PDE7B: variants seen among roughly 807,000 people sequenced by gnomAD.
PDE7B encodes the protein 3',5'-cyclic-AMP phosphodiesterase 7B.
A neutral mutation model predicts 56.2 loss-of-function variants in PDE7B; 29 were observed. That is an observed-to-expected ratio of 0.52 (90% CI 0.38 to 0.70). The LOEUF (loss-of-function observed/expected upper bound fraction) is 0.70, where lower values mean the gene tolerates loss of function less well. PDE7B is among the 30% of genes least tolerant of loss of function. The pLI, the probability that PDE7B is intolerant of heterozygous loss-of-function variation, is 0.00. For synonymous variants in PDE7B, 197 were observed against 196.9 expected (o/e 1.00, Z 0.00); for missense variants, 490 against 565.0 (o/e 0.87, Z 1.35).
chr6:136,124,255 A>G (rs1480758816), intron 3 of PDE7B, among the ~76,000 whole-genome samples: 1 of 152,170 alleles, frequency 6.6e-6, no homozygotes, highest in Non-Finnish European at 1.5e-5. Context: ...CTTAGGTGGA[A>G]GAATTTAAAA....
chr6:136,172,200 G>A (rs1381395008), intron 8 of PDE7B, among the ~76,000 whole-genome samples: 4 of 152,186 alleles, frequency 2.6e-5, no homozygotes, highest in Admixed American at 6.5e-5. Flanking sequence ...CTAGATCCTT[G>A]AGGAATCGCC....
chr6:135,928,544 T>TAC (rs1296766027), intron 1 of PDE7B, among the ~76,000 whole-genome samples: 8 of 138,146 alleles, frequency 5.8e-5, no homozygotes, highest in Admixed American at 3.3e-4. Flanking sequence ...CACACACACA[T>TAC]ACACACACAC....
intron 2 of PDE7B, among the ~76,000 whole-genome samples, chr6:136,102,830 ATTCACT>A (rs1777585736): frequency 6.6e-6 from 1 of 152,166 alleles, no homozygotes; most frequent in Admixed American, 6.6e-5. Flanking sequence ...CTATTTACAT[ATTCACT>A]TTTCAGCATT....
chr6:136,115,418 TAAG>T (rs1777814142), intron 3 of PDE7B, among the ~76,000 whole-genome samples: 1 of 152,012 alleles, frequency 6.6e-6, no homozygotes. Flanking sequence ...CTTTAAGACT[TAAG>T]AAACCAGGAA....
At position 136,191,495 on chromosome 6, in the gene PDE7B, C is replaced by T. The variant is rs1433433373; in HGVS notation, c.1127-119C>T. 4 of 814,620 alleles carry T rather than the reference C, an allele frequency of 4.9e-6. No homozygotes were observed. In the African/African-American group the frequency reaches 5.1e-5, roughly 10 times the overall value. The allele number at this position is 814,620 out of a possible 1,614,324, so 50.5% of individuals were successfully genotyped here. A position where few individuals can be genotyped will look rare whatever the true frequency, so the allele number is the denominator to read the frequency against. ...CAACCTGGCCAACATGGGGAAACCCCATCTCTACTAAAGATACAAAAATTA... is the reference window on the plus strand; with the variant it reads ...CAACCTGGCCAACATGGGGAAACCCTATCTCTACTAAAGATACAAAAATTA... On this transcript the variant is annotated intron_variant, in intron 12 of 12. Coordinates refer to ENST00000308191, the MANE Select transcript of PDE7B (RefSeq NM_018945.4).
chr6:135,990,717 T>A (rs969457946), intron 2 of PDE7B, among the ~76,000 whole-genome samples: 2 of 152,220 alleles, frequency 1.3e-5, no homozygotes, highest in African/African-American at 2.4e-5. Context: ...TCACCACAAA[T>A]AAGTGATAAG....
At chr6:135,898,402 G>A (rs955179510) in intron 1 of PDE7B, among the ~76,000 whole-genome samples, 19 of 151,926 alleles carry the variant, frequency 1.3e-4, no homozygotes, top group Non-Finnish European at 2.1e-4. Flanking sequence ...TGAAAATTTT[G>A]GAAAATAAAT....
At chr6:136,073,924 A>G (rs553744714) in intron 2 of PDE7B, among the ~76,000 whole-genome samples, 1 of 152,324 alleles carries the variant, frequency 6.6e-6, no homozygotes, top group East Asian at 1.9e-4. Flanking sequence ...CCATATCTGA[A>G]GCAAATAAAA....
intron 1 of PDE7B, among the ~76,000 whole-genome samples, chr6:135,879,967 ATATC>A (rs1486688324): frequency 2.0e-5 from 3 of 152,156 alleles, no homozygotes; most frequent in Non-Finnish European, 4.4e-5. Flanking sequence ...AAAACTATAA[ATATC>A]TACCCCCAAA....
chr6:136,113,773 G>C (rs1249081202), intron 3 of PDE7B, among the ~76,000 whole-genome samples: 1 of 152,228 alleles, frequency 6.6e-6, no homozygotes, highest in South Asian at 2.1e-4. Flanking sequence ...TGTGGACCCA[G>C]AGGGGAGAGT....
intron 2 of PDE7B, among the ~76,000 whole-genome samples, chr6:136,003,895 AC>A (rs1166391478): frequency 1.3e-5 from 2 of 152,160 alleles, no homozygotes; most frequent in African/African-American, 4.8e-5. Context: ...CAGAGACACA[AC>A]CAAAAAAGAG....
At chr6:136,081,512 A>C (rs1562488366) in intron 2 of PDE7B, among the ~76,000 whole-genome samples, 1 of 152,220 alleles carries the variant, frequency 6.6e-6, no homozygotes, top group East Asian at 1.9e-4. Context: ...ACATACACAC[A>C]AACATTCCTA....
chr6:135,988,327 T>C (rs1174651465), intron 2 of PDE7B, among the ~76,000 whole-genome samples: 1 of 151,972 alleles, frequency 6.6e-6, no homozygotes, highest in East Asian at 1.9e-4. Context: ...AGGTAGAACT[T>C]CCCAGTAAAG....
intron 1 of PDE7B, among the ~76,000 whole-genome samples, chr6:135,925,208 C>T (rs1409278346): frequency 2.0e-5 from 3 of 151,904 alleles, no homozygotes; most frequent in Non-Finnish European, 2.9e-5. Context: ...TCCCTAACTG[C>T]CAAGGGTTCA....
intron 2 of PDE7B, among the ~76,000 whole-genome samples, chr6:136,006,238 G>A (rs1012778613): frequency 1.3e-5 from 2 of 148,574 alleles, no homozygotes; most frequent in Non-Finnish European, 3.0e-5. Context: ...ATAGCATTAG[G>A]AGATATACCT....
chr6:136,110,990 A>C (rs1777738179), intron 3 of PDE7B: 1 of 152,060 alleles, frequency 6.6e-6, no homozygotes, highest in Non-Finnish European at 1.5e-5. Flanking sequence ...CCCACCTGGT[A>C]CTCACAATCC....
At chr6:135,928,493 A>ATATTTATT (rs1562442927) in intron 1 of PDE7B, among the ~76,000 whole-genome samples, 1,558 of 102,062 alleles carry the variant, frequency 0.015, 69 homozygotes, top group East Asian at 0.021. Context: ...TTATTTATAT[A>ATATTTATT]TATATATTTA....
chr6:135,918,788 T>G (rs1774007943), intron 1 of PDE7B, among the ~76,000 whole-genome samples: 1 of 152,206 alleles, frequency 6.6e-6, no homozygotes, highest in Non-Finnish European at 1.5e-5. Context: ...ATTCCATTTA[T>G]GCGTGGACAG....
intron 1 of PDE7B, among the ~76,000 whole-genome samples, chr6:135,898,006 A>G (rs1334145515): frequency 2.0e-5 from 3 of 152,162 alleles, no homozygotes; most frequent in Admixed American, 6.5e-5. Context: ...TTAATAAACC[A>G]TGTCTGATCC....
Sources: allele counts gnomAD v4.1 joint callset (sites outside exome capture counted in the v4.1 genomes callset), GRCh38; gene constraint gnomAD v4.1.1; transcripts MANE v1.5; gene names NCBI Gene and HGNC (gene_info 2026-07-23, HGNC 2026-07-21).